CCDC150: variants seen among roughly 807,000 people sequenced by gnomAD.
CCDC150 encodes the protein coiled-coil domain-containing protein 150.
Under a neutral mutation model 156.5 loss-of-function variants are expected in CCDC150, and 151 were observed. The observed-to-expected ratio is 0.97, with a 90% CI of 0.85 to 1.10. CCDC150 has a LOEUF of 1.10. Among genes scored for constraint, CCDC150 ranks in the 50% least tolerant of loss-of-function variants. CCDC150 has a pLI of 0.00. For missense variants in CCDC150, 1,312 were observed against 1,268.1 expected, an observed-to-expected ratio of 1.03 and a Z score of -0.53; for synonymous variants, 452 against 429.4, an observed-to-expected ratio of 1.05 and a Z score of -0.65.
At chr2:196,680,359 C>T (rs7589688) in intron 13 of CCDC150, among the ~76,000 whole-genome samples, 11,840 of 152,062 alleles carry the variant, frequency 0.078, 1,506 homozygotes, top group African/African-American at 0.27. Context: ...GGCGGTGACA[C>T]AATCACAGCT....
In CCDC150 at chr2:196,729,996, C is replaced by T. The variant is rs767092905; in HGVS notation, c.2860C>T (p.Leu954=). The change falls in exon 25 of 28, where the codon CTG becomes TTG. Residue 954 remains leucine (L), a synonymous_variant. Coordinates refer to ENST00000389175, the MANE Select transcript of CCDC150 (RefSeq NM_001080539.2). ...IQRFVCEMTN[L]QKEMQMLAKS... ...GAGATTTGTGTGTGAAATGACTAAC[C>T]TGCAGAAAGAGATGCAGATGTTGGC... 3.7e-6 allele frequency: 6 copies of T among 1,613,488 alleles called. No individual in the cohort carries two copies. Among genetic ancestry groups the T allele is most frequent in the Non-Finnish European group, 5.1e-6 (6 of 1,179,768 alleles).
At chr2:196,689,624 A>G (rs1341344168) in intron 13 of CCDC150, among the ~76,000 whole-genome samples, 6 of 151,956 alleles carry the variant, frequency 3.9e-5, no homozygotes. Context: ...GAAGTTGCTT[A>G]TCAGCTTAAG....
intron 13 of CCDC150, among the ~76,000 whole-genome samples, chr2:196,680,590 C>A (rs1029782951): frequency 6.6e-6 from 1 of 152,210 alleles, no homozygotes; most frequent in Non-Finnish European, 1.5e-5. Flanking sequence ...CAGGCGTGAG[C>A]CACCATGCCC....
intron 21 of CCDC150, among the ~76,000 whole-genome samples, chr2:196,724,572 T>C (rs1462898778): frequency 6.6e-6 from 1 of 152,092 alleles, no homozygotes; most frequent in Non-Finnish European, 1.5e-5. Flanking sequence ...TATTCCCATT[T>C]TGAAGATAAG....
chr2:196,667,204 A>C (rs1462626108), intron 7 of CCDC150: 2 of 299,902 alleles, frequency 6.7e-6, no homozygotes, highest in South Asian at 7.8e-5. Context: ...TAAGGCCATG[A>C]ATCCTTGATG....
intron 15 of CCDC150, among the ~76,000 whole-genome samples, chr2:196,707,164 T>C (rs777361810): frequency 1.3e-5 from 2 of 151,396 alleles, no homozygotes; most frequent in Non-Finnish European, 3.0e-5. Context: ...GTTGGTAGGC[T>C]ATTATTGCCT....
At chr2:196,729,435 T>C (rs777469742) in intron 23 of CCDC150, 48 bp downstream of exon 23, 3 of 1,563,874 alleles carry the variant, frequency 1.9e-6, no homozygotes, top group South Asian at 1.1e-5. Context: ...TGTGAGGATG[T>C]AGTCAGTCAA....
chr2:196,664,505 C>T (rs1472166098), intron 5 of CCDC150, among the ~76,000 whole-genome samples: 6 of 152,182 alleles, frequency 3.9e-5, no homozygotes, highest in African/African-American at 1.4e-4. Flanking sequence ...TGGGAAGGGA[C>T]GCAGGCCCTT....
chr2:196,652,223 A>C (rs1027719670), intron 2 of CCDC150, among the ~76,000 whole-genome samples: 1 of 152,228 alleles, frequency 6.6e-6, no homozygotes, highest in African/African-American at 2.4e-5. Context: ...TCAATAGTAC[A>C]CTAAAGGCTT....
intron 21 of CCDC150, 50 bp downstream of exon 21, chr2:196,721,741 T>G: frequency 7.0e-7 from 1 of 1,418,694 alleles, no homozygotes; most frequent in Non-Finnish European, 9.5e-7. Context: ...TCTGGAGGAG[T>G]AAGTCACATT....
intron 15 of CCDC150, among the ~76,000 whole-genome samples, chr2:196,703,379 T>G (rs1353484259): frequency 1.3e-5 from 2 of 150,560 alleles, no homozygotes; most frequent in African/African-American, 2.5e-5. Flanking sequence ...CTAGAACACC[T>G]ATTAATATTA....
chr2:196,654,610 T>G (rs904440294), intron 2 of CCDC150, among the ~76,000 whole-genome samples: 2 of 152,216 alleles, frequency 1.3e-5, no homozygotes, highest in Non-Finnish European at 2.9e-5. Context: ...TTATACTTTC[T>G]TACTCTCTTT....
chr2:196,695,700 G>A (rs1331163952), intron 14 of CCDC150, among the ~76,000 whole-genome samples: 1 of 151,826 alleles, frequency 6.6e-6, no homozygotes, highest in Non-Finnish European at 1.5e-5. Flanking sequence ...AAAATTAGCC[G>A]GGCGTGGTGG....
rs1695738851 is a variant in CCDC150, at chr2:196,695,103, C to G, written c.1567C>G (p.Leu523Val). The G allele has an allele frequency of 1.2e-6, 2 of 1,612,972 alleles. No individual in the cohort carries two copies. Among genetic ancestry groups the G allele is most frequent in the South Asian group, 1.1e-5 (1 of 90,998 alleles). ...GACTCTTGAAGAAGAGAATAAGCAC[C>G]TGGCAGATCAAATGGCTTCCCTAGA... ...LQTLEEENKH[L>V]ADQMASLELQ... Residue 523 changes from leucine to valine, a missense_variant, in exon 14 of 28, where the codon CTG (leucine) becomes GTG (valine). Coordinates refer to ENST00000389175, the MANE Select transcript of CCDC150 (RefSeq NM_001080539.2).
Position 196,657,209 on chromosome 2 carries a change from G to A in CCDC150, c.576+73G>A, listed in dbSNP as rs912202749. On this transcript the variant is annotated intron_variant, in intron 4 of 27. Transcript: ENST00000389175. ...CTGGAGGAGGTAACAGACCTATGACGCGACTTTTAAAAATAGGTGATGTTG... is the reference window on the plus strand; with the variant it reads ...CTGGAGGAGGTAACAGACCTATGACACGACTTTTAAAAATAGGTGATGTTG... 3.0e-5 allele frequency: 43 copies of A among 1,429,638 alleles called. 1 individual carries two copies. The South Asian group carries it at 3.3e-4, about 11-fold the overall frequency. The allele number at this position is 1,429,638 out of a possible 1,614,324, so 88.6% of individuals were successfully genotyped here.
rs1697178120 is a variant in CCDC150 at position 196,712,219 on chromosome 2, G to A, written c.1770G>A (p.Lys590=). 2 of 1,571,210 alleles carry A rather than the reference G, an allele frequency of 1.3e-6. No homozygotes were observed. Among genetic ancestry groups the A allele is most frequent in the Admixed American group, 1.8e-5 (1 of 56,720 alleles). The change falls in exon 16 of 28, where the codon AAG becomes AAA. Residue 590 remains lysine (K), a synonymous_variant. Transcript: ENST00000389175. ...DTSLQNDHLR[K]MNKYLQTKYA... is the part of the protein sequence containing the mutation. ...GCTTACAGAATGATCATCTACGCAA[G>A]ATGAATAAGTATTTACAGACTAAAT... is the stretch of plus-strand genomic sequence containing the variant.
chr2:196,669,903 AGGT>A, intron 8 of CCDC150, 27 bp downstream of exon 8: 2 of 1,576,070 alleles, frequency 1.3e-6, no homozygotes, highest in Non-Finnish European at 1.7e-6. Context: ...TGGAGTACAG[AGGT>A]GGTCTTTCCT....
Position 196,674,297 on chromosome 2 carries a change from T to C in CCDC150, c.1086T>C (p.Thr362=). ...KCSELSCMLQ[T]VTMEKARIIA... The stretch of plus-strand genomic sequence containing the variant: ...CAGAGTTGAGCTGCATGCTTCAGAC[T>C]GTTACTATGGAAAAAGCCAGAATCA... Residue 362 remains threonine, a synonymous_variant, in exon 10 of 28, where the codon ACT becomes ACC. Transcript: ENST00000389175. 1 of 1,604,508 alleles carries C rather than the reference T, an allele frequency of 6.2e-7. No individual in the cohort carries two copies. The highest frequency in any genetic ancestry group is 8.5e-7 in the Non-Finnish European group (1 of 1,175,194).
chr2:196,669,396 C>T (rs746951538), intron 7 of CCDC150, among the ~76,000 whole-genome samples: 9 of 152,186 alleles, frequency 5.9e-5, no homozygotes, highest in Non-Finnish European at 1.3e-4. Flanking sequence ...GCCATCAAGT[C>T]CAAAAGTGCT....
Sources: allele counts gnomAD v4.1 joint callset (sites outside exome capture counted in the v4.1 genomes callset), GRCh38; gene constraint gnomAD v4.1.1; transcripts MANE v1.5; gene names NCBI Gene and HGNC (gene_info 2026-07-23, HGNC 2026-07-21).